The following ATF2 variants were observed in gnomAD, a reference collection of about 807,000 sequenced individuals.
The protein encoded by ATF2 is activating transcription factor 2, also known as cyclic AMP-dependent transcription factor ATF-2.
A neutral mutation model predicts 60.6 loss-of-function variants in ATF2; 24 were observed. The ratio of observed to expected loss-of-function variants is 0.40; its 90% CI spans 0.29 to 0.56. The LOEUF (loss-of-function observed/expected upper bound fraction) is 0.56. ATF2 is among the 20% of genes least tolerant of loss of function. ATF2 has a pLI of 0.54. For missense variants in ATF2, 433 were observed against 607.7 expected, an observed-to-expected ratio of 0.71 and a Z score of 3.02; for synonymous variants, 206 against 215.4, an observed-to-expected ratio of 0.96 and a Z score of 0.38.
intron 4 of ATF2, among the ~76,000 whole-genome samples, chr2:175,129,898 C>G (rs1475766588): frequency 6.6e-6 from 1 of 151,860 alleles, no homozygotes; most frequent in African/African-American, 2.4e-5. Context: ...GGATTTCCAC[C>G]TTTCCATTAC....
At chr2:175,136,122 A>G (rs1197611196) in intron 3 of ATF2, among the ~76,000 whole-genome samples, 1 of 147,624 alleles carries the variant, frequency 6.8e-6, no homozygotes, top group Non-Finnish European at 1.5e-5. Context: ...GCTATTTGCT[A>G]TTTGAATACT....
chr2:175,167,794 G>A, intron 1 of ATF2: 1 of 451,322 alleles, frequency 2.2e-6, no homozygotes, highest in South Asian at 1.6e-5. Flanking sequence ...GCGAGAGGGA[G>A]GGGCCGGAAC....
chr2:175,128,603 A>G (rs1354255674), intron 4 of ATF2, among the ~76,000 whole-genome samples: 2 of 152,212 alleles, frequency 1.3e-5, no homozygotes, highest in Non-Finnish European at 2.9e-5. Context: ...TTTTAGAGGA[A>G]AACAAAGGAG....
At chr2:175,114,599 C>A (rs1170224081) in intron 8 of ATF2, 91 bp downstream of exon 8, 3 of 1,523,394 alleles carry the variant, frequency 2.0e-6, no homozygotes, top group Non-Finnish European at 2.7e-6. Context: ...AAACTAAGAT[C>A]TTAGTTTGAA....
intron 3 of ATF2, among the ~76,000 whole-genome samples, chr2:175,133,004 C>G (rs887763798): frequency 5.3e-5 from 8 of 151,788 alleles, no homozygotes; most frequent in African/African-American, 1.7e-4. Context: ...ATGAGAATCA[C>G]TTGAACCTGG....
intron 13 of ATF2, among the ~76,000 whole-genome samples, chr2:175,077,671 C>T (rs1209979685): frequency 1.3e-5 from 2 of 152,152 alleles, no homozygotes; most frequent in African/African-American, 4.8e-5. Context: ...GGGATGAATG[C>T]TTACCTACAG....
At position 175,093,142 on chromosome 2, in the gene ATF2, T is replaced by C; in HGVS notation, c.1104A>G (p.Arg368=). The change falls in exon 12 of 14, where the codon AGA becomes AGG. Residue 368 remains arginine (R), a synonymous_variant. Coordinates refer to ENST00000264110, the MANE Select transcript of ATF2 (RefSeq NM_001880.4). ...FLERNRAAAS[R]CRQKRKVWVQ... ...CCCAGACTTTCCTTTTTTGTCGGCA[T>C]CTTGAAGCTGCTGCTCTATTTCGCT... 6.2e-7 allele frequency: 1 copy of C among 1,614,210 alleles called. No homozygotes were observed. The highest frequency in any genetic ancestry group is 8.5e-7 in the Non-Finnish European group (1 of 1,180,024).
At chr2:175,153,931 A>T (rs1038160629) in intron 1 of ATF2, among the ~76,000 whole-genome samples, 2 of 151,720 alleles carry the variant, frequency 1.3e-5, no homozygotes, top group Non-Finnish European at 2.9e-5. Context: ...TATCTTAAAA[A>T]TTTTTAGGCT....
chr2:175,126,151 T>C (rs997100985), intron 4 of ATF2, among the ~76,000 whole-genome samples: 1 of 152,228 alleles, frequency 6.6e-6, no homozygotes, highest in Non-Finnish European at 1.5e-5. Context: ...AAATACTGAA[T>C]TATCATCTTA....
intron 1 of ATF2, 194 bp downstream of exon 1, chr2:175,167,856 C>A (rs1046904746): frequency 6.5e-5 from 26 of 400,648 alleles, no homozygotes; most frequent in Non-Finnish European, 1.3e-4. Flanking sequence ...GTTCCCAAAG[C>A]CCACACCGCG....
chr2:175,167,604 A>G (rs1223016372), intron 1 of ATF2: 1 of 480,042 alleles, frequency 2.1e-6, no homozygotes, highest in Non-Finnish European at 4.3e-6. Context: ...GGGAGACCAG[A>G]GTGGGCCCTC....
chr2:175,130,047 T>C, intron 4 of ATF2, 91 bp downstream of exon 4: 1 of 1,025,726 alleles, frequency 9.7e-7, no homozygotes, highest in African/African-American at 1.7e-5. Flanking sequence ...CAGAATACTG[T>C]AAGAAAATAC....
At chr2:175,074,905 T>C (rs762676390) in intron 13 of ATF2, 70 bp from the exon 14 acceptor site, 4 of 1,582,934 alleles carry the variant, frequency 2.5e-6, no homozygotes, top group South Asian at 2.3e-5. Flanking sequence ...GCTGAGGCAA[T>C]ACACAGAGTA....
chr2:175,151,373 T>G (rs1699301579), intron 1 of ATF2, among the ~76,000 whole-genome samples: 1 of 152,150 alleles, frequency 6.6e-6, no homozygotes, highest in Non-Finnish European at 1.5e-5. Flanking sequence ...GTTTATCCTG[T>G]AGCCTCCCGT....
intron 1 of ATF2, among the ~76,000 whole-genome samples, chr2:175,162,336 G>A (rs1700081393): frequency 6.6e-6 from 1 of 152,138 alleles, no homozygotes. Context: ...TCCCAATTAG[G>A]TAATCACGCT....
chr2:175,125,045 T>A (rs1697235134), intron 4 of ATF2, among the ~76,000 whole-genome samples: 1 of 152,078 alleles, frequency 6.6e-6, no homozygotes, highest in African/African-American at 2.4e-5. Flanking sequence ...TCTCTGAAGT[T>A]GTATTGTCAC....
chr2:175,074,521 A>G lies in ATF2; in HGVS notation c.*88T>C. ...AAAAAAAAAAAATTTACAACCACAG[A>G]TTTCGCATAAATGGAAACTGGTCTT... On this transcript the variant is annotated 3_prime_UTR_variant, in exon 14 of 14. Coordinates refer to ENST00000264110, the MANE Select transcript of ATF2 (RefSeq NM_001880.4). The G allele has an allele frequency of 6.9e-7, 1 of 1,443,092 alleles. No individual in the cohort carries two copies. The highest frequency in any genetic ancestry group is 9.2e-7 in the Non-Finnish European group (1 of 1,084,368). 89.4% of individuals were successfully genotyped at this position (1,443,092 alleles called of 1,614,324 possible). A position where few individuals can be genotyped will look rare whatever the true frequency, so the allele number is the denominator to read the frequency against.
intron 3 of ATF2, among the ~76,000 whole-genome samples, chr2:175,133,220 G>A (rs1317402779): frequency 6.6e-6 from 1 of 152,092 alleles, no homozygotes; most frequent in East Asian, 1.9e-4. Flanking sequence ...AATTAAGCTA[G>A]AGGACTTTTA....
At chr2:175,110,826 G>T (rs1198757229) in intron 10 of ATF2, among the ~76,000 whole-genome samples, 1 of 152,072 alleles carries the variant, frequency 6.6e-6, no homozygotes, top group Admixed American at 6.5e-5. Context: ...GGTTGCTCTC[G>T]AACTCCTGAC....
Sources: allele counts gnomAD v4.1 joint callset (sites outside exome capture counted in the v4.1 genomes callset), GRCh38; gene constraint gnomAD v4.1.1; transcripts MANE v1.5; gene names NCBI Gene and HGNC (gene_info 2026-07-23, HGNC 2026-07-21).